The following CTXN2 variants were observed in gnomAD, a reference collection of about 807,000 sequenced individuals.
The protein encoded by CTXN2 is cortexin 2.
A neutral mutation model predicts 5.7 loss-of-function variants in CTXN2; 3 were observed. The ratio of observed to expected loss-of-function variants is 0.53; its 90% CI spans 0.24 to 1.36. The LOEUF is 1.36. Ranked by LOEUF, CTXN2 falls within the 40% of genes most tolerant of loss-of-function variation. The pLI, the probability that CTXN2 is intolerant of heterozygous loss-of-function variation, is 0.17. For missense variants in CTXN2, 87 were observed against 93.0 expected (o/e 0.94, Z 0.26); for synonymous variants, 38 against 36.4 (o/e 1.04, Z -0.16).
At chr15:48,198,805 G>A (rs889253955) in intron 1 of CTXN2, among the ~76,000 whole-genome samples, 1 of 152,098 alleles carries the variant, frequency 6.6e-6, no homozygotes, top group Non-Finnish European at 1.5e-5. Context: ...TCTACATTAT[G>A]CATTTTCAAA....
rs1438766225 is a variant in CTXN2 at position 48,202,719 on chromosome 15, TAGAG to T, written c.*1175_*1178del. The T allele has an allele frequency of 1.8e-5, 3 of 167,146 alleles. No individual in the cohort carries two copies. Among genetic ancestry groups the T allele is most frequent in the Middle Eastern group, 3.4e-3 (1 of 296 alleles). 10.4% of individuals were successfully genotyped at this position (167,146 alleles called of 1,614,324 possible). ...TTATTGTCCTCATCAGTAGCAGTAA[TAGAG>T]ATTCTCAAACCCTAAGAAGCAATGG... is the stretch of plus-strand genomic sequence containing the variant. On this transcript the variant is annotated 3_prime_UTR_variant, in exon 2 of 2. Transcript: ENST00000417307.
chr15:48,201,656 A>G lies in CTXN2; in HGVS notation c.*110A>G. On this transcript the variant is annotated 3_prime_UTR_variant, in exon 2 of 2. Transcript: ENST00000417307. Reference sequence around the variant, plus strand: ...AGGCTCATTTTGTTCAGTGAATTCAATAAACATCTGTGACTAATTTCTTCA... The same window carrying G: ...AGGCTCATTTTGTTCAGTGAATTCAGTAAACATCTGTGACTAATTTCTTCA... 1.2e-5 allele frequency: 12 copies of G among 1,039,128 alleles called. No homozygotes were observed. Among genetic ancestry groups the G allele is most frequent in the Non-Finnish European group, 1.7e-5 (12 of 715,850 alleles). 64.4% of individuals were successfully genotyped at this position (1,039,128 alleles called of 1,614,324 possible).
rs529542436 is a variant in CTXN2 at position 48,193,235 on chromosome 15, T to C, written c.-58+1382T>C. On this transcript the variant is annotated intron_variant, in intron 1 of 1. Transcript: ENST00000417307. ...GAAGGAAATGTACTTTCAACCAAGT[T>C]ACTCATTGCCAAAGTACCTAACCAT... Among the ~76,000 whole-genome samples, 229 of 152,292 alleles carry C rather than the reference T, an allele frequency of 1.5e-3. 1 individual carries two copies. Among genetic ancestry groups the C allele is most frequent in the Non-Finnish European group, 2.0e-3 (138 of 67,998 alleles).
chr15:48,201,044 G>A (rs866449210), intron 1 of CTXN2, among the ~76,000 whole-genome samples, 200 bp from the exon 2 acceptor site: 8 of 152,224 alleles, frequency 5.3e-5, no homozygotes, highest in Admixed American at 2.0e-4. Flanking sequence ...TTATGTGTCC[G>A]CAAAGGAAAT....
chr15:48,200,971 T>C (rs1408267692), intron 1 of CTXN2, among the ~76,000 whole-genome samples: 1 of 152,222 alleles, frequency 6.6e-6, no homozygotes, highest in African/African-American at 2.4e-5. Context: ...CAAAAGATTT[T>C]AGGGCTGATA....
At position 48,201,619 on chromosome 15, in the gene CTXN2, G is replaced by C; in HGVS notation, c.*73G>C. ...TGGATACAATTGTAACTACCTTGAG[G>C]GTGTGGGAGAGAGGCTCATTTTGTT... On this transcript the variant is annotated 3_prime_UTR_variant, in exon 2 of 2. Coordinates refer to ENST00000417307, the MANE Select transcript of CTXN2 (RefSeq NM_001145668.2). 6.9e-7 allele frequency: 1 copy of C among 1,448,760 alleles called. No homozygotes were observed. Among genetic ancestry groups the C allele is most frequent in the Non-Finnish European group, 9.3e-7 (1 of 1,070,522 alleles). 89.7% of individuals were successfully genotyped at this position (1,448,760 alleles called of 1,614,324 possible). A position where few individuals can be genotyped will look rare whatever the true frequency, so the allele number is the denominator to read the frequency against.
At position 48,201,161 on chromosome 15, in the gene CTXN2, GA is replaced by G. The variant is rs1340742333; in HGVS notation, c.-57-78del. The G allele has an allele frequency of 9.2e-5, 75 of 819,600 alleles. No homozygotes were observed. In the East Asian group the frequency reaches 2.0e-3, roughly 22 times the overall value. The allele number at this position is 819,600 out of a possible 1,614,324, so 50.8% of individuals were successfully genotyped here. On this transcript the variant is annotated intron_variant, in intron 1 of 1. Transcript: ENST00000417307. ...TTTGTGAGTTAAGTCAAGAAGGTTTGAAAAACGTCAGATTTTATTAAGCAAC... is the reference window on the plus strand; with the variant it reads ...TTTGTGAGTTAAGTCAAGAAGGTTTGAAAACGTCAGATTTTATTAAGCAAC...
At chr15:48,178,555 C>A (rs1055401111) in intron 1 of CTXN2, 7 of 306,362 alleles carry the variant, frequency 2.3e-5, no homozygotes, top group Non-Finnish European at 4.2e-5. Context: ...TGCCCACCAG[C>A]CCGCCTGTCG....
intron 1 of CTXN2, among the ~76,000 whole-genome samples, chr15:48,195,158 T>G (rs1424186635): frequency 1.3e-5 from 2 of 152,154 alleles, no homozygotes; most frequent in African/African-American, 4.8e-5. Flanking sequence ...TGCTCTTATT[T>G]TCTTTGTTTT....
At chr15:48,178,476 G>A in intron 1 of CTXN2, 1 of 445,964 alleles carries the variant, frequency 2.2e-6, no homozygotes, top group East Asian at 3.9e-5. Context: ...CGCTGTTGCT[G>A]CAGTCGGCCC....
intron 1 of CTXN2, among the ~76,000 whole-genome samples, chr15:48,195,873 A>G (rs1023674021): frequency 2.6e-5 from 4 of 151,868 alleles, no homozygotes; most frequent in African/African-American, 9.7e-5. Flanking sequence ...TTCCTTTTTT[A>G]TTGCTTTTGT....
chr15:48,200,169 A>T (rs1411225603), intron 1 of CTXN2, among the ~76,000 whole-genome samples: 1 of 152,204 alleles, frequency 6.6e-6, no homozygotes, highest in Non-Finnish European at 1.5e-5. Flanking sequence ...AGTCTTAAAA[A>T]TTATCAGAAA....
intron 1 of CTXN2, among the ~76,000 whole-genome samples, chr15:48,181,929 C>T (rs891561215): frequency 3.3e-5 from 5 of 152,018 alleles, no homozygotes; most frequent in African/African-American, 7.2e-5. Context: ...AAAAGGAATT[C>T]GTAACTTTTT....
intron 1 of CTXN2, among the ~76,000 whole-genome samples, chr15:48,198,063 T>C (rs2040895697): frequency 6.6e-6 from 1 of 152,130 alleles, no homozygotes. Flanking sequence ...AAATATAAGA[T>C]GGCTATATAC....
At chr15:48,194,645 A>G (rs2040860156) in intron 1 of CTXN2, among the ~76,000 whole-genome samples, 3 of 152,180 alleles carry the variant, frequency 2.0e-5, no homozygotes, top group African/African-American at 7.2e-5. Context: ...TTCATCTTAT[A>G]TAACTCCACT....
At chr15:48,196,777 C>T (rs926152840) in intron 1 of CTXN2, among the ~76,000 whole-genome samples, 1 of 151,948 alleles carries the variant, frequency 6.6e-6, no homozygotes, top group African/African-American at 2.4e-5. Flanking sequence ...TATGGGTTTG[C>T]AACAAAGATC....
intron 1 of CTXN2, among the ~76,000 whole-genome samples, chr15:48,186,184 T>G (rs2040752583): frequency 6.6e-6 from 1 of 152,204 alleles, no homozygotes; most frequent in Admixed American, 6.5e-5. Context: ...ACACTTTAAA[T>G]GAAACAACTG....
intron 1 of CTXN2, among the ~76,000 whole-genome samples, chr15:48,183,335 C>T (rs1443803930): frequency 6.6e-6 from 1 of 152,120 alleles, no homozygotes; most frequent in Non-Finnish European, 1.5e-5. Context: ...TGAGAGATCT[C>T]AAACCGAAAA....
chr15:48,194,133 T>C (rs1268878249), intron 1 of CTXN2, among the ~76,000 whole-genome samples: 1 of 152,140 alleles, frequency 6.6e-6, no homozygotes, highest in African/African-American at 2.4e-5. Context: ...TCATCTTTAG[T>C]ATAAAGTATA....
Sources: gnomAD v4.1 joint callset for allele counts (sites outside exome capture counted in the v4.1 genomes callset) on GRCh38, gnomAD v4.1.1 for gene constraint, MANE v1.5 for transcripts, NCBI Gene and HGNC (gene_info 2026-07-23, HGNC 2026-07-21) for gene names.